AHI1: variants seen among roughly 807,000 people sequenced by gnomAD.
AHI1 encodes Abelson helper integration site 1, also known as jouberin.
A neutral mutation model predicts 149.3 loss-of-function variants in AHI1; 123 were observed. The observed-to-expected ratio is 0.82, with a 90% CI of 0.71 to 0.96. The LOEUF is 0.96. Ranked by LOEUF, AHI1 falls within the 40% of genes least tolerant of loss-of-function variation. The probability of loss-of-function intolerance (pLI) is 0.00; values close to 1 mark genes in which losing one functional copy is unlikely to be tolerated. For missense variants in AHI1, 1,439 were observed against 1,422.7 expected, an observed-to-expected ratio of 1.01 and a Z score of -0.18; for synonymous variants, 475 against 459.8, an observed-to-expected ratio of 1.03 and a Z score of -0.42.
chr6:135,308,940 TAG>T (rs1006306784), intron 26 of AHI1, among the ~76,000 whole-genome samples: 4 of 152,128 alleles, frequency 2.6e-5, no homozygotes, highest in African/African-American at 9.7e-5. Context: ...TCTCACCTTG[TAG>T]AGAGTTAAGA....
intron 27 of AHI1, among the ~76,000 whole-genome samples, chr6:135,293,248 A>G (rs907453532): frequency 6.6e-6 from 1 of 152,054 alleles, no homozygotes; most frequent in South Asian, 2.1e-4. Flanking sequence ...GCATTTATAA[A>G]AAACCTAGAA....
intron 24 of AHI1, among the ~76,000 whole-genome samples, chr6:135,350,724 A>C (rs1485530060): frequency 6.6e-6 from 1 of 152,176 alleles, no homozygotes; most frequent in African/African-American, 2.4e-5. Flanking sequence ...AAGGTTGTGT[A>C]TATTCAGGGG....
At chr6:135,302,696 A>G (rs1784029875) in intron 26 of AHI1, 1 of 1,220,848 alleles carries the variant, frequency 8.2e-7, no homozygotes, top group Admixed American at 3.4e-5. Flanking sequence ...TTTGACTTCC[A>G]AACACCTTTA....
At chr6:135,437,771 T>G (rs1312569970) in intron 15 of AHI1, among the ~76,000 whole-genome samples, 2 of 152,182 alleles carry the variant, frequency 1.3e-5, no homozygotes, top group African/African-American at 4.8e-5. Flanking sequence ...AAACTAACAG[T>G]ATTTTTAGAA....
chr6:135,478,026 C>A (rs764891623), intron 5 of AHI1, among the ~76,000 whole-genome samples: 1 of 152,046 alleles, frequency 6.6e-6, no homozygotes, highest in Non-Finnish European at 1.5e-5. Flanking sequence ...GTCTCAAACA[C>A]CTGACCTCAG....
intron 24 of AHI1, among the ~76,000 whole-genome samples, chr6:135,345,351 T>C (rs1791036169): frequency 2.0e-5 from 3 of 152,144 alleles, no homozygotes; most frequent in Admixed American, 2.0e-4. Flanking sequence ...AAAACTTACG[T>C]CCATGCAAAA....
rs193237531 is a variant in AHI1 at position 135,452,329 on chromosome 6, G to A, written c.1440+1012C>T. ...ATTTAAATTGATGTTTGAAGGAAAA[G>A]ATAATTACAAAATTAAAATATCCTT... On this transcript the variant is annotated intron_variant, in intron 11 of 28. Coordinates refer to ENST00000265602, the MANE Select transcript of AHI1 (RefSeq NM_001134831.2). Among the ~76,000 whole-genome samples, 749 of 152,286 alleles carry A rather than the reference G, an allele frequency of 4.9e-3. 5 individuals are homozygous for A. Among genetic ancestry groups the A allele is most frequent in the African/African-American group, 0.017 (704 of 41,566 alleles).
At chr6:135,461,707 T>C (rs1789916348) in intron 8 of AHI1, among the ~76,000 whole-genome samples, 1 of 152,014 alleles carries the variant, frequency 6.6e-6, no homozygotes, top group Non-Finnish European at 1.5e-5. Flanking sequence ...TTAACTGTGG[T>C]ATATTCACAC....
intron 23 of AHI1, among the ~76,000 whole-genome samples, chr6:135,394,027 ATTTC>A (rs146036430): frequency 0.01 from 1,527 of 152,144 alleles, 8 homozygotes; most frequent in Non-Finnish European, 0.016. Flanking sequence ...TTGTCCTCAA[ATTTC>A]TAAGTAAATT....
intron 23 of AHI1, among the ~76,000 whole-genome samples, chr6:135,375,183 A>G (rs1457815925): frequency 6.6e-6 from 1 of 152,186 alleles, no homozygotes; most frequent in African/African-American, 2.4e-5. Flanking sequence ...GCTCTCCCCA[A>G]GACAATATAT....
intron 28 of AHI1, 83 bp downstream of exon 28, chr6:135,290,339 TG>T: frequency 1.2e-6 from 1 of 857,148 alleles, no homozygotes; most frequent in Non-Finnish European, 2.0e-6. Flanking sequence ...TGCCTCTCTC[TG>T]GTATTTGTCC....
At chr6:135,370,002 T>C (rs1030217965) in intron 23 of AHI1, among the ~76,000 whole-genome samples, 1 of 152,240 alleles carries the variant, frequency 6.6e-6, no homozygotes, top group Non-Finnish European at 1.5e-5. Flanking sequence ...TGCCAACATT[T>C]TGATTATCTG....
At chr6:135,455,316 T>G (rs1562212930) in intron 10 of AHI1, among the ~76,000 whole-genome samples, 1 of 152,220 alleles carries the variant, frequency 6.6e-6, no homozygotes, top group Non-Finnish European at 1.5e-5. Flanking sequence ...CATATTAAAC[T>G]GCATTAACTG....
At chr6:135,402,986 A>C (rs1780239463) in intron 22 of AHI1, among the ~76,000 whole-genome samples, 1 of 152,198 alleles carries the variant, frequency 6.6e-6, no homozygotes, top group Non-Finnish European at 1.5e-5. Flanking sequence ...TATATGTTAC[A>C]AATAGAGGAA....
chr6:135,479,305 G>A (rs937430118), intron 5 of AHI1, among the ~76,000 whole-genome samples: 1 of 152,206 alleles, frequency 6.6e-6, no homozygotes, highest in Non-Finnish European at 1.5e-5. Flanking sequence ...GGCACTCAAT[G>A]CCAGCCAGTG....
chr6:135,357,667 T>C (rs1297275215), intron 24 of AHI1, among the ~76,000 whole-genome samples: 3 of 152,236 alleles, frequency 2.0e-5, no homozygotes, highest in South Asian at 2.1e-4. Flanking sequence ...ACAAATATCA[T>C]ATTCAGAGAC....
chr6:135,431,684 G>C lies in AHI1; in HGVS notation c.2267-370C>G, dbSNP rs376128471. On this transcript the variant is annotated intron_variant, in intron 16 of 28. Coordinates refer to ENST00000265602, the MANE Select transcript of AHI1 (RefSeq NM_001134831.2). ...CTCATCTTTATTAACCCATAAATCT[G>C]TTTTGGATTCCTAGAAAAATACCTA... Among the ~76,000 whole-genome samples, 228 of 152,092 alleles carry C rather than the reference G, an allele frequency of 1.5e-3. 1 individual carries two copies. Among genetic ancestry groups the C allele is most frequent in the African/African-American group, 5.3e-3 (219 of 41,510 alleles).
chr6:135,452,826 T>C (rs1370004941), intron 11 of AHI1, among the ~76,000 whole-genome samples: 4 of 152,170 alleles, frequency 2.6e-5, no homozygotes, highest in Non-Finnish European at 4.4e-5. Context: ...CCCTCTACCA[T>C]AGACCATTTC....
In AHI1 at chr6:135,427,188, G is replaced by A. The variant is rs201022062; in HGVS notation, c.2743C>T (p.Leu915=). The A allele has an allele frequency of 1.6e-5, 26 of 1,610,178 alleles. No homozygotes were observed. The highest frequency in any genetic ancestry group is 3.3e-5 in the Admixed American group (2 of 59,710). The stretch of plus-strand genomic sequence containing the variant: ...TTACCATGGAAATCGTAAATATACA[G>A]AAGAATTGGCTCATTTTGCCCAAAT... ...CAFGQNEPIL[L]YIYDFHVAQQ... The change falls in exon 20 of 29, where the codon CTG becomes TTG. Residue 915 remains leucine, a synonymous_variant. Coordinates refer to ENST00000265602, the MANE Select transcript of AHI1 (RefSeq NM_001134831.2).
Sources: allele counts gnomAD v4.1 joint callset (sites outside exome capture counted in the v4.1 genomes callset), GRCh38; gene constraint gnomAD v4.1.1; transcripts MANE v1.5; gene names NCBI Gene and HGNC (gene_info 2026-07-23, HGNC 2026-07-21).